The following ATOH8 variants were observed in gnomAD, a reference collection of about 807,000 sequenced individuals.
ATOH8 encodes the protein transcription factor ATOH8.
A neutral mutation model predicts 21.2 loss-of-function variants in ATOH8; 9 were observed. That is an observed-to-expected ratio of 0.42 (90% CI 0.26 to 0.74). ATOH8 has a LOEUF of 0.74. ATOH8 is among the 30% of genes least tolerant of loss of function. The probability of loss-of-function intolerance (pLI) is 0.24; values close to 1 mark genes in which losing one functional copy is unlikely to be tolerated. For synonymous variants in ATOH8, 253 were observed against 224.0 expected (o/e 1.13, Z -1.16); for missense variants, 524 against 470.9 (o/e 1.11, Z -1.04).
rs1188520140 is a variant in ATOH8 at position 85,788,651 on chromosome 2, G to T, written c.*1761G>T. On this transcript the variant is annotated 3_prime_UTR_variant, in exon 3 of 3. Coordinates refer to ENST00000306279, the MANE Select transcript of ATOH8 (RefSeq NM_032827.7). Reference sequence around the variant, plus strand: ...GAAGGGACAGGGCTGGCCAAGGAAAGGGGGATAGGAGGGGACCGGAGGCTG... The same window carrying T: ...GAAGGGACAGGGCTGGCCAAGGAAATGGGGATAGGAGGGGACCGGAGGCTG... Among the ~76,000 whole-genome samples, 3 of 152,218 alleles carry T rather than the reference G, an allele frequency of 2.0e-5. No homozygotes were observed.
chr2:85,773,476 A>C (rs79834603), intron 2 of ATOH8: 8,378 of 153,438 alleles, frequency 0.055, 728 homozygotes, highest in East Asian at 0.24. Context: ...GCCCCTGGAC[A>C]CTGAGGGAGG....
intron 2 of ATOH8, among the ~76,000 whole-genome samples, chr2:85,768,976 C>CT (rs1680102299): frequency 1.3e-5 from 2 of 152,146 alleles, no homozygotes; most frequent in African/African-American, 4.8e-5. Flanking sequence ...AGATAATGCA[C>CT]GTTAAGCACC....
chr2:85,788,324 G>C lies in ATOH8; in HGVS notation c.*1434G>C, dbSNP rs1274326813. ...TCTCTGTCCGCACTGCACTCAATCT[G>C]TACCATGGATTTATGAGATAGGGGC... On this transcript the variant is annotated 3_prime_UTR_variant, in exon 3 of 3. Transcript: ENST00000306279. 6.6e-6 allele frequency among the ~76,000 whole-genome samples: 1 copy of C among 152,080 alleles called. No homozygotes were observed. The highest frequency in any genetic ancestry group is 1.5e-5 in the Non-Finnish European group (1 of 68,018).
Position 85,789,298 on chromosome 2 carries a change from A to G in ATOH8, c.*2408A>G, listed in dbSNP as rs1000072961. On this transcript the variant is annotated 3_prime_UTR_variant, in exon 3 of 3. Transcript: ENST00000306279. The stretch of plus-strand genomic sequence containing the variant: ...GTCAGACACTAAGATAGGCAGTGGG[A>G]ATGAAGAGATGGATCTTGTGTCATG... Among the ~76,000 whole-genome samples the G allele has an allele frequency of 1.3e-5, 2 of 152,170 alleles. No homozygotes were observed. Among genetic ancestry groups the G allele is most frequent in the Non-Finnish European group, 2.9e-5 (2 of 68,026 alleles).
chr2:85,773,971 C>A, intron 2 of ATOH8: 1 of 511,702 alleles, frequency 2.0e-6, no homozygotes, highest in Non-Finnish European at 2.5e-6. Flanking sequence ...TGGAGCTGGT[C>A]CCTACTCTTC....
In ATOH8 at chr2:85,754,634, G is replaced by A. The variant is rs770582294; in HGVS notation, c.445G>A (p.Gly149Ser). 4.6e-6 allele frequency: 7 copies of A among 1,512,482 alleles called. No individual in the cohort carries two copies. The African/African-American group carries it at 5.6e-5, about 12-fold the overall frequency. 93.7% of individuals were successfully genotyped at this position (1,512,482 alleles called of 1,614,324 possible). The stretch of plus-strand genomic sequence containing the variant: ...AGAGGCACAGCCTTTCCGGGAGCCG[G>A]GTCTGCGTCCTCGCATCTTGCTGTG... The part of the protein sequence containing the change: ...GPEAQPFREP[G>S]LRPRILLCAP... The change falls in exon 1 of 3, where the codon GGT becomes AGT. Residue 149 changes from glycine (G) to serine (S), a missense_variant. Coordinates refer to ENST00000306279, the MANE Select transcript of ATOH8 (RefSeq NM_032827.7).
intron 1 of ATOH8, among the ~76,000 whole-genome samples, chr2:85,757,913 G>A (rs766983119): frequency 4.0e-5 from 6 of 151,556 alleles, no homozygotes; most frequent in Non-Finnish European, 8.8e-5. Context: ...AGCCTCCCGA[G>A]TAGCTGGGAT....
chr2:85,772,750 C>T (rs777693967), intron 2 of ATOH8: 16 of 456,768 alleles, frequency 3.5e-5, no homozygotes, highest in Non-Finnish European at 6.2e-5. Flanking sequence ...TAAAAGTTGG[C>T]GGCTGGAATT....
rs113869283 is a variant in ATOH8 at position 85,764,005 on chromosome 2, A to G, written c.783A>G (p.Ser261=). ...TCTCCCCTCAGGTGCCGTGCTACTC[A>G]TATGGGCAGAAGCTGTCCAAACTGG... ...EALRKQVPCY[S]YGQKLSKLAI... is the part of the protein sequence containing the mutation. Residue 261 remains serine, a synonymous_variant, in exon 2 of 3, where the codon TCA becomes TCG. Coordinates refer to ENST00000306279, the MANE Select transcript of ATOH8 (RefSeq NM_032827.7). 5.3e-3 allele frequency: 8,569 copies of G among 1,613,988 alleles called. 380 individuals carry two copies. The African/African-American group carries it at 0.096, about 18-fold the overall frequency.
intron 2 of ATOH8, among the ~76,000 whole-genome samples, chr2:85,777,066 G>A (rs1213160184): frequency 1.3e-5 from 2 of 152,192 alleles, no homozygotes; most frequent in Non-Finnish European, 2.9e-5. Flanking sequence ...GAAGGGCCCT[G>A]CCCTGCACAT....
At position 85,786,977 on chromosome 2, in the gene ATOH8, C is replaced by G; in HGVS notation, c.*87C>G. The G allele has an allele frequency of 2.5e-6, 4 of 1,581,608 alleles. No individual in the cohort carries two copies. The highest frequency in any genetic ancestry group is 3.5e-6 in the Non-Finnish European group (4 of 1,153,926). Reference sequence around the variant, plus strand: ...AAGGTGAGCTCGCTGAGTCCAGCCTCGTGGTCTTCTCCAAGATGCCGCCAG... The same window carrying G: ...AAGGTGAGCTCGCTGAGTCCAGCCTGGTGGTCTTCTCCAAGATGCCGCCAG... On this transcript the variant is annotated 3_prime_UTR_variant, in exon 3 of 3. Transcript: ENST00000306279.
At chr2:85,765,329 C>T (rs573025663) in intron 2 of ATOH8, among the ~76,000 whole-genome samples, 51 of 152,340 alleles carry the variant, frequency 3.3e-4, no homozygotes, top group African/African-American at 1.1e-3. Flanking sequence ...GTGGGTTCTC[C>T]GGGTTTCCCG....
chr2:85,758,428 C>T (rs1041144217), intron 1 of ATOH8, among the ~76,000 whole-genome samples: 3 of 152,176 alleles, frequency 2.0e-5, no homozygotes, highest in East Asian at 1.9e-4. Flanking sequence ...TCCAGGGTGG[C>T]GGTGCCTCGT....
chr2:85,767,801 C>T (rs1478178350), intron 2 of ATOH8, among the ~76,000 whole-genome samples: 1 of 152,204 alleles, frequency 6.6e-6, no homozygotes, highest in Non-Finnish European at 1.5e-5. Context: ...CAGGGGCCAT[C>T]AGGAAGCTGT....
chr2:85,777,009 T>C (rs1200803499), intron 2 of ATOH8, among the ~76,000 whole-genome samples: 2 of 152,136 alleles, frequency 1.3e-5, no homozygotes, highest in African/African-American at 4.8e-5. Context: ...GTTCTTCACT[T>C]GTTCAGTCTT....
chr2:85,778,478 C>T (rs746714893), intron 2 of ATOH8, among the ~76,000 whole-genome samples: 1 of 152,154 alleles, frequency 6.6e-6, no homozygotes, highest in Admixed American at 6.5e-5. Context: ...TTGCATGGAA[C>T]GCACACTGTT....
Position 85,764,261 on chromosome 2 carries a change from A to ATG in ATOH8, c.960+80_960+81dup. On this transcript the variant is annotated intron_variant, in intron 2 of 2. Transcript: ENST00000306279. Reference sequence around the variant, plus strand: ...ACAGGAACTTGGGGGTGCCCTGCCTATGCCCAGAATTCTGAAGGGGCCAGA... The same window carrying ATG: ...ACAGGAACTTGGGGGTGCCCTGCCTATGTGCCCAGAATTCTGAAGGGGCCAGA... 3 of 1,557,876 alleles carry ATG rather than the reference A, an allele frequency of 1.9e-6. No homozygotes were observed. In the African/African-American group the frequency reaches 4.0e-5, roughly 21 times the overall value.
intron 1 of ATOH8, among the ~76,000 whole-genome samples, chr2:85,763,649 C>T (rs1036623128): frequency 9.2e-5 from 14 of 152,144 alleles, no homozygotes; most frequent in African/African-American, 3.4e-4. Flanking sequence ...CAAAATGCCT[C>T]TCAGGAATCT....
chr2:85,764,116 C>T lies in ATOH8; in HGVS notation c.894C>T (p.Ser298=). ...LDYSADHSNL[S]FSECVQRCTR... is the part of the protein sequence containing the mutation. ...ACAGTGCCGACCACAGCAACCTCAG[C>T]TTCTCCGAGTGTGTGCAGCGCTGCA... Residue 298 remains serine, a synonymous_variant, in exon 2 of 3, where the codon AGC becomes AGT. Coordinates refer to ENST00000306279, the MANE Select transcript of ATOH8 (RefSeq NM_032827.7). 2 of 1,614,226 alleles carry T rather than the reference C, an allele frequency of 1.2e-6. No individual in the cohort carries two copies. Among genetic ancestry groups the T allele is most frequent in the Non-Finnish European group, 1.7e-6 (2 of 1,180,056 alleles).
Sources: allele counts gnomAD v4.1 joint callset (sites outside exome capture counted in the v4.1 genomes callset), GRCh38; gene constraint gnomAD v4.1.1; transcripts MANE v1.5; gene names NCBI Gene and HGNC (gene_info 2026-07-23, HGNC 2026-07-21).